The following PSD3 variants were observed in gnomAD, a reference collection of about 807,000 sequenced individuals.
PSD3 encodes the protein pleckstrin and Sec7 domain containing 3.
In PSD3, 49 loss-of-function variants were observed where a neutral mutation model predicts 105.5. That is an observed-to-expected ratio of 0.46 (90% CI 0.37 to 0.59). The LOEUF is 0.59. Among genes scored for constraint, PSD3 ranks in the 20% least tolerant of loss-of-function variants. The probability of loss-of-function intolerance (pLI) is 0.00; values close to 1 mark genes in which losing one functional copy is unlikely to be tolerated. For missense variants in PSD3, 1,561 were observed against 1,263.8 expected (o/e 1.24, Z -3.57); for synonymous variants, 557 against 457.8 (o/e 1.22, Z -2.77).
chr8:18,934,495 C>A (rs1447211944), intron 2 of PSD3, among the ~76,000 whole-genome samples: 2 of 152,148 alleles, frequency 1.3e-5, no homozygotes, highest in Non-Finnish European at 2.9e-5. Flanking sequence ...ACTGCAAGCT[C>A]TGCCTCTCGG....
In PSD3 at chr8:18,787,748, T is replaced by A. The variant is rs73666717; in HGVS notation, c.2082+11547A>T. Among the ~76,000 whole-genome samples, 879 of 152,248 alleles carry A rather than the reference T, an allele frequency of 5.8e-3. 9 individuals are homozygous for A. Among genetic ancestry groups the A allele is most frequent in the African/African-American group, 0.02 (814 of 41,574 alleles). On this transcript the variant is annotated intron_variant, in intron 8 of 15. Transcript: ENST00000327040. ...CTGTTTGTGTTCGTTTAAAGATACA[T>A]TAAATGCCCTTTAGAGCAAAGTTCC... is the stretch of plus-strand genomic sequence containing the variant.
At chr8:18,991,976 T>C (rs1825829938) in intron 1 of PSD3, among the ~76,000 whole-genome samples, 1 of 152,166 alleles carries the variant, frequency 6.6e-6, no homozygotes. Flanking sequence ...ATGAAGAAAC[T>C]GAGGCTCAGA....
chr8:18,841,589 G>A (rs1340899065), intron 4 of PSD3, among the ~76,000 whole-genome samples: 1 of 152,168 alleles, frequency 6.6e-6, no homozygotes. Context: ...GTGGGTAAGA[G>A]GCAGGACACT....
At chr8:18,802,235 C>T (rs1363453584) in intron 6 of PSD3, 2 of 241,456 alleles carry the variant, frequency 8.3e-6, no homozygotes, top group Non-Finnish European at 1.8e-5. Flanking sequence ...ATAAAAATAT[C>T]TTTAAATTAT....
chr8:18,725,359 A>C (rs1030921588), intron 9 of PSD3, among the ~76,000 whole-genome samples: 1 of 152,244 alleles, frequency 6.6e-6, no homozygotes, highest in African/African-American at 2.4e-5. Context: ...TCAGATCTTC[A>C]AAGAACTGAA....
At chr8:18,656,372 G>A (rs1052347081) in intron 9 of PSD3, among the ~76,000 whole-genome samples, 4 of 129,048 alleles carry the variant, frequency 3.1e-5, no homozygotes, top group South Asian at 2.7e-4. Context: ...TTTTTTTTTC[G>A]TTAATGAAAG....
intron 1 of PSD3, among the ~76,000 whole-genome samples, chr8:19,061,166 T>C (rs560183560): frequency 6.6e-6 from 1 of 152,196 alleles, no homozygotes; most frequent in Admixed American, 6.5e-5. Flanking sequence ...AAAAGAAATA[T>C]ATAAAATCGT....
At chr8:18,638,319 A>G (rs982599703) in intron 10 of PSD3, among the ~76,000 whole-genome samples, 10 of 131,274 alleles carry the variant, frequency 7.6e-5, no homozygotes, top group African/African-American at 3.0e-4. Context: ...AGGCTGAGCA[A>G]TTAGGCAAGA....
At chr8:18,921,835 G>T (rs1821042979) in intron 2 of PSD3, among the ~76,000 whole-genome samples, 1 of 152,112 alleles carries the variant, frequency 6.6e-6, no homozygotes, top group South Asian at 2.1e-4. Flanking sequence ...AACACAGGAG[G>T]GAGTGGTGAC....
At chr8:18,775,336 T>C (rs1265879596) in intron 8 of PSD3, among the ~76,000 whole-genome samples, 1 of 152,184 alleles carries the variant, frequency 6.6e-6, no homozygotes, top group Non-Finnish European at 1.5e-5. Context: ...AGTGCAGACA[T>C]TTCTTGAATA....
At chr8:18,814,956 T>C (rs1371100506) in intron 4 of PSD3, among the ~76,000 whole-genome samples, 1 of 152,214 alleles carries the variant, frequency 6.6e-6, no homozygotes, top group Non-Finnish European at 1.5e-5. Flanking sequence ...GAACTACAAT[T>C]TTCATATCTT....
rs1276488007 is a variant in PSD3, at chr8:18,532,876, T to A, written c.*2867A>T. 6.6e-6 allele frequency: 1 copy of A among 152,182 alleles called. No individual in the cohort carries two copies. Among genetic ancestry groups the A allele is most frequent in the African/African-American group, 2.4e-5 (1 of 41,436 alleles). The allele number at this position is 152,182 out of a possible 1,614,324, so 9.4% of individuals were successfully genotyped here. A position where few individuals can be genotyped will look rare whatever the true frequency, so the allele number is the denominator to read the frequency against. On this transcript the variant is annotated 3_prime_UTR_variant, in exon 16 of 16. Coordinates refer to ENST00000327040, the MANE Select transcript of PSD3 (RefSeq NM_015310.4). ...TATGACCAAGGCATTCTGATAGCTG[T>A]CAAGATTTTCTGTACTAGAAATTAA...
chr8:18,591,870 T>C (rs568245728), intron 12 of PSD3, among the ~76,000 whole-genome samples: 18 of 152,172 alleles, frequency 1.2e-4, no homozygotes, highest in African/African-American at 4.3e-4. Flanking sequence ...CATCAAAGGG[T>C]GCAAGGATTA....
At chr8:18,708,002 C>G (rs1802004064) in intron 9 of PSD3, among the ~76,000 whole-genome samples, 1 of 152,132 alleles carries the variant, frequency 6.6e-6, no homozygotes, top group Admixed American at 6.5e-5. Context: ...GCTCTTGTAC[C>G]AGGTAATAAA....
chr8:18,907,232 A>G (rs752094503), intron 2 of PSD3, among the ~76,000 whole-genome samples: 1 of 152,232 alleles, frequency 6.6e-6, no homozygotes, highest in Non-Finnish European at 1.5e-5. Context: ...CTAGGCCTTC[A>G]TATTCACTCA....
chr8:18,689,818 T>G (rs532432581), intron 9 of PSD3, among the ~76,000 whole-genome samples: 3 of 152,332 alleles, frequency 2.0e-5, no homozygotes, highest in South Asian at 2.1e-4. Flanking sequence ...TTTCCTAGAC[T>G]ATTCATTTGG....
intron 14 of PSD3, among the ~76,000 whole-genome samples, chr8:18,566,194 C>A (rs988030563): frequency 6.6e-6 from 1 of 152,044 alleles, no homozygotes; most frequent in African/African-American, 2.4e-5. Context: ...AGAAACAAAC[C>A]TTATGACTCG....
chr8:18,535,441 G>A lies in PSD3; in HGVS notation c.*302C>T, dbSNP rs757903416. ...ATATGAGAATACATAAAACAACTGA[G>A]CAGACTGCAAACAAGAGAAAACCAA... is the stretch of plus-strand genomic sequence containing the variant. On this transcript the variant is annotated 3_prime_UTR_variant, in exon 16 of 16. Coordinates refer to ENST00000327040, the MANE Select transcript of PSD3 (RefSeq NM_015310.4). 2.7e-6 allele frequency: 1 copy of A among 364,584 alleles called. No individual in the cohort carries two copies. The highest frequency in any genetic ancestry group is 5.0e-6 in the Non-Finnish European group (1 of 198,766). 22.6% of individuals were successfully genotyped at this position (364,584 alleles called of 1,614,324 possible).
At chr8:18,726,143 T>C (rs563126854) in intron 9 of PSD3, among the ~76,000 whole-genome samples, 1 of 152,318 alleles carries the variant, frequency 6.6e-6, no homozygotes, top group Non-Finnish European at 1.5e-5. Context: ...TGTCCACCAC[T>C]TCCCTAAACC....
Sources: gnomAD v4.1 joint callset for allele counts (sites outside exome capture counted in the v4.1 genomes callset) on GRCh38, gnomAD v4.1.1 for gene constraint, MANE v1.5 for transcripts, NCBI Gene and HGNC (gene_info 2026-07-23, HGNC 2026-07-21) for gene names.